The following RARB variants were observed in gnomAD, a reference collection of about 807,000 sequenced individuals.
The protein encoded by RARB is retinoic acid receptor beta.
In RARB, 17 loss-of-function variants were observed where a neutral mutation model predicts 51.9. The ratio of observed to expected loss-of-function variants is 0.33; its 90% confidence interval spans 0.22 to 0.49. The LOEUF (loss-of-function observed/expected upper bound fraction) is 0.49. RARB is among the 20% of genes least tolerant of loss of function. RARB has a pLI of 0.99. For synonymous variants in RARB, 215 were observed against 195.4 expected (o/e 1.10, Z -0.84); for missense variants, 369 against 550.8 (o/e 0.67, Z 3.30).
Position 24,846,566 on chromosome 3 carries a change from G to C in RARB, c.-458-12108G>C, listed in dbSNP as rs143763693. On this transcript the variant is annotated intron_variant, in intron 1 of 11. Coordinates refer to the RARB transcript ENST00000383772. Reference sequence around the variant, plus strand: ...GGCAGGAATCAAACTTTCCTATGAGGTATGGCCAACAAATTGCAGGAACTG... The same window carrying C: ...GGCAGGAATCAAACTTTCCTATGAGCTATGGCCAACAAATTGCAGGAACTG... 5.3e-4 allele frequency among the ~76,000 whole-genome samples: 80 copies of C among 152,270 alleles called. No individual in the cohort carries two copies. The Middle Eastern group carries it at 0.02, about 39-fold the overall frequency.
intron 3 of RARB, among the ~76,000 whole-genome samples, chr3:25,091,357 G>T (rs1180625705): frequency 6.6e-6 from 1 of 152,156 alleles, no homozygotes; most frequent in Admixed American, 6.6e-5. Context: ...TTAGGAAAAT[G>T]AATTCTCAAG....
chr3:24,872,269 C>T (rs1025976782), intron 2 of RARB, among the ~76,000 whole-genome samples: 4 of 152,142 alleles, frequency 2.6e-5, no homozygotes, highest in Admixed American at 6.5e-5. Flanking sequence ...ATGTCTTGAG[C>T]ACAGAAGGCA....
rs142195647 is a variant in RARB, at chr3:25,246,127, G to A, written c.178+71552G>A. Among the ~76,000 whole-genome samples the A allele has an allele frequency of 5.5e-3, 833 of 151,932 alleles. 12 individuals are homozygous for A. Among genetic ancestry groups the A allele is most frequent in the African/African-American group, 0.018 (764 of 41,458 alleles). The stretch of plus-strand genomic sequence containing the variant: ...GATCGATTTGGCTATTGATAGTTGT[G>A]TATGCTTCACAAAGTTCTTGTGCTG... On this transcript the variant is annotated intron_variant, in intron 5 of 11. Transcript: ENST00000383772.
At chr3:24,877,345 A>ATTTTTTTTTTTTT (rs1559379782) in intron 2 of RARB, among the ~76,000 whole-genome samples, 14 of 17,720 alleles carry the variant, frequency 7.9e-4, no homozygotes, top group Admixed American at 1.9e-3. Context: ...AAGCAATCTT[A>ATTTTTTTTTTTTT]CTTTTTTTTT....
intron 1 of RARB, among the ~76,000 whole-genome samples, chr3:25,445,013 G>C (rs1282363302): frequency 6.6e-6 from 1 of 151,888 alleles, no homozygotes; most frequent in Non-Finnish European, 1.5e-5. Flanking sequence ...GTGGTGGTAC[G>C]ATCTCAGGTC....
At chr3:25,327,240 G>C (rs1019019219) in intron 5 of RARB, among the ~76,000 whole-genome samples, 1 of 152,060 alleles carries the variant, frequency 6.6e-6, no homozygotes, top group Non-Finnish European at 1.5e-5. Flanking sequence ...TTTAAAAAAA[G>C]GGAATTTCCT....
At chr3:25,440,506 C>G (rs955433486) in intron 1 of RARB, among the ~76,000 whole-genome samples, 2 of 151,548 alleles carry the variant, frequency 1.3e-5, no homozygotes, top group African/African-American at 4.9e-5. Context: ...GGCATGGTGG[C>G]TCACACCTGT....
At chr3:24,978,662 C>T (rs1220319949) in intron 2 of RARB, among the ~76,000 whole-genome samples, 1 of 151,426 alleles carries the variant, frequency 6.6e-6, no homozygotes, top group Non-Finnish European at 1.5e-5. Flanking sequence ...CTTTATTAAT[C>T]TTGCTATCAG....
chr3:25,347,913 C>G (rs1236771815), intron 5 of RARB, among the ~76,000 whole-genome samples: 2 of 152,176 alleles, frequency 1.3e-5, no homozygotes, highest in Admixed American at 1.3e-4. Flanking sequence ...TCACAGAAGA[C>G]TCTACTCAGG....
At chr3:24,964,041 T>C (rs765333865) in intron 2 of RARB, among the ~76,000 whole-genome samples, 30 of 152,196 alleles carry the variant, frequency 2.0e-4, no homozygotes, top group Admixed American at 4.6e-4. Flanking sequence ...GTATTTGATA[T>C]TTGTTTTTCA....
chr3:24,941,316 G>A (rs556883987), intron 2 of RARB, among the ~76,000 whole-genome samples: 11 of 151,976 alleles, frequency 7.2e-5, no homozygotes, highest in East Asian at 1.9e-4. Flanking sequence ...TTCAAAAAAC[G>A]TAATTCTTAA....
chr3:25,441,322 G>T, intron 1 of RARB: 1 of 378,092 alleles, frequency 2.6e-6, no homozygotes, highest in Non-Finnish European at 5.2e-6. Flanking sequence ...GCAATTTCTT[G>T]CACCACATAT....
intron 2 of RARB, among the ~76,000 whole-genome samples, chr3:25,042,200 C>T (rs747751520): frequency 6.6e-5 from 10 of 152,188 alleles, no homozygotes; most frequent in East Asian, 3.9e-4. Flanking sequence ...GATTGTAAAC[C>T]GTAGCTATTT....
intron 2 of RARB, among the ~76,000 whole-genome samples, chr3:24,939,882 C>G (rs1309526424): frequency 1.3e-5 from 2 of 152,202 alleles, no homozygotes; most frequent in East Asian, 3.8e-4. Flanking sequence ...ATACATAACA[C>G]TGAGAAGGAA....
chr3:25,477,098 G>A (rs1695989503), intron 2 of RARB, among the ~76,000 whole-genome samples: 1 of 152,204 alleles, frequency 6.6e-6, no homozygotes, highest in Non-Finnish European at 1.5e-5. Context: ...GGGGCAAATG[G>A]AGGAGATGTT....
At chr3:25,328,218 G>T (rs146847818) in intron 5 of RARB, among the ~76,000 whole-genome samples, 3 of 152,308 alleles carry the variant, frequency 2.0e-5, no homozygotes, top group Admixed American at 6.5e-5. Context: ...ACGGATGAGC[G>T]ATTTAAGTAG....
intron 2 of RARB, among the ~76,000 whole-genome samples, chr3:25,463,012 A>G (rs761383194): frequency 5.3e-5 from 8 of 152,208 alleles, no homozygotes; most frequent in Non-Finnish European, 1.2e-4. Flanking sequence ...CTTCTTTTAA[A>G]TAAAATAAAA....
rs140009424 is a variant in RARB at position 25,255,800 on chromosome 3, T to C, written c.178+81225T>C. On this transcript the variant is annotated intron_variant, in intron 5 of 11. Transcript: ENST00000383772. ...ATGTATAATTTTTGAAAACAATAGTTTTAAAAAAATGATCATTTTTATACC... is the reference window on the plus strand; with the variant it reads ...ATGTATAATTTTTGAAAACAATAGTCTTAAAAAAATGATCATTTTTATACC... Among the ~76,000 whole-genome samples, 539 of 152,264 alleles carry C rather than the reference T, an allele frequency of 3.5e-3. 5 individuals are homozygous for C. The highest frequency in any genetic ancestry group is 0.013 in the African/African-American group (524 of 41,568).
At chr3:25,453,496 C>G (rs1375156343) in intron 1 of RARB, among the ~76,000 whole-genome samples, 1 of 151,918 alleles carries the variant, frequency 6.6e-6, no homozygotes, top group African/African-American at 2.4e-5. Flanking sequence ...ATCTTCCCAC[C>G]TTGGATTAAG....
Sources: gnomAD v4.1 joint callset for allele counts (sites outside exome capture counted in the v4.1 genomes callset) on GRCh38, gnomAD v4.1.1 for gene constraint, MANE v1.5 for transcripts, NCBI Gene and HGNC (gene_info 2026-07-23, HGNC 2026-07-21) for gene names.